The following SPIDR variants were observed in gnomAD, a reference collection of about 807,000 sequenced individuals.
The protein encoded by SPIDR is DNA repair-scaffolding protein.
Under a neutral mutation model 104.6 loss-of-function variants are expected in SPIDR, and 93 were observed. That is an observed-to-expected ratio of 0.89 (90% CI 0.75 to 1.06). SPIDR has a LOEUF of 1.06. SPIDR is among the 50% of genes least tolerant of loss of function. The pLI, the probability that SPIDR is intolerant of heterozygous loss-of-function variation, is 0.00. For missense variants in SPIDR, 1,154 were observed against 1,111.2 expected (o/e 1.04, Z -0.55); for synonymous variants, 431 against 416.9 (o/e 1.03, Z -0.41).
chr8:47,728,624 G>C (rs375473682), intron 17 of SPIDR: 1 of 258,000 alleles, frequency 3.9e-6, no homozygotes, highest in Admixed American at 5.2e-5. Flanking sequence ...TTTCTCTTCC[G>C]GGCCAGGGGG....
At chr8:47,565,389 A>G (rs955055960) in intron 8 of SPIDR, among the ~76,000 whole-genome samples, 3 of 152,230 alleles carry the variant, frequency 2.0e-5, no homozygotes, top group Non-Finnish European at 4.4e-5. Context: ...TCTAAAGTAT[A>G]TCTAAGGAAA....
chr8:47,376,991 C>T (rs781896998), intron 5 of SPIDR, among the ~76,000 whole-genome samples: 16 of 152,076 alleles, frequency 1.1e-4, no homozygotes, highest in Non-Finnish European at 2.4e-4. Context: ...ATTACAGTGG[C>T]AAGGTTGGGT....
At chr8:47,464,828 G>A (rs748294194) in intron 8 of SPIDR, among the ~76,000 whole-genome samples, 5 of 152,000 alleles carry the variant, frequency 3.3e-5, no homozygotes, top group Admixed American at 6.6e-5. Flanking sequence ...GAGTGTCTTG[G>A]CAAAGTTTTG....
intron 8 of SPIDR, among the ~76,000 whole-genome samples, chr8:47,462,597 A>T (rs935956113): frequency 1.5e-4 from 23 of 152,266 alleles, no homozygotes; most frequent in African/African-American, 5.5e-4. Context: ...AAATTTATGG[A>T]TGTAAGTACA....
intron 11 of SPIDR, among the ~76,000 whole-genome samples, chr8:47,697,307 G>A (rs1355760586): frequency 6.0e-5 from 9 of 150,668 alleles, no homozygotes; most frequent in African/African-American, 2.2e-4. Context: ...AAAGAAAAAA[G>A]ATAAAAACAA....
chr8:47,431,846 A>T (rs1554689562), intron 7 of SPIDR, among the ~76,000 whole-genome samples: 1 of 152,228 alleles, frequency 6.6e-6, no homozygotes, highest in African/African-American at 2.4e-5. Flanking sequence ...GTGTCTATTC[A>T]TCATTGCCAG....
chr8:47,591,556 G>C (rs1284055521), intron 8 of SPIDR, among the ~76,000 whole-genome samples: 1 of 151,744 alleles, frequency 6.6e-6, no homozygotes, highest in Admixed American at 6.6e-5. Flanking sequence ...TTTTTGAAGG[G>C]GGGAATCTAC....
chr8:47,559,968 A>G (rs1283852166), intron 8 of SPIDR, among the ~76,000 whole-genome samples: 1 of 152,206 alleles, frequency 6.6e-6, no homozygotes, highest in East Asian at 1.9e-4. Flanking sequence ...TGAAATTCTT[A>G]TTCCCTTTGG....
At chr8:47,438,428 C>G (rs985488486) in intron 7 of SPIDR, among the ~76,000 whole-genome samples, 13 of 152,222 alleles carry the variant, frequency 8.5e-5, no homozygotes, top group Non-Finnish European at 1.5e-4. Flanking sequence ...ACACACTGCT[C>G]TGGCTGCCCT....
intron 8 of SPIDR, among the ~76,000 whole-genome samples, chr8:47,465,849 G>T (rs1345788684): frequency 6.6e-6 from 1 of 151,994 alleles, no homozygotes; most frequent in Non-Finnish European, 1.5e-5. Context: ...CCAAGCAAAT[G>T]GAAAACAAAA....
intron 8 of SPIDR, chr8:47,548,061 T>A (rs897546362): frequency 3.9e-5 from 6 of 152,258 alleles, no homozygotes; most frequent in African/African-American, 9.6e-5. Context: ...TATTTTTTTT[T>A]AATTTCCTGA....
intron 8 of SPIDR, among the ~76,000 whole-genome samples, chr8:47,539,080 C>A (rs1204202490): frequency 1.3e-5 from 2 of 151,746 alleles, no homozygotes; most frequent in African/African-American, 4.8e-5. Context: ...AGGCTGGTCT[C>A]GAACTCCTGA....
chr8:47,719,503 C>T (rs2083078742), intron 16 of SPIDR, among the ~76,000 whole-genome samples: 1 of 151,254 alleles, frequency 6.6e-6, no homozygotes, highest in African/African-American at 2.4e-5. Flanking sequence ...AGCGAGACTC[C>T]GTATCAAAAA....
At chr8:47,613,832 A>T (rs886155055) in intron 10 of SPIDR, among the ~76,000 whole-genome samples, 1 of 152,072 alleles carries the variant, frequency 6.6e-6, no homozygotes, top group Admixed American at 6.6e-5. Context: ...TTGTATTTTT[A>T]TTGTTGAGTT....
At chr8:47,499,725 T>A (rs561508310) in intron 8 of SPIDR, among the ~76,000 whole-genome samples, 1 of 152,224 alleles carries the variant, frequency 6.6e-6, no homozygotes, top group African/African-American at 2.4e-5. Context: ...GCCATGTCGG[T>A]ATGCTACACC....
Position 47,328,706 on chromosome 8 carries a change from G to A in SPIDR, c.525+34676G>A, listed in dbSNP as rs142867251. Reference sequence around the variant, plus strand: ...AGTGGAATCTTCACTTTTTTATCCTGCATGACAGTCTCTACCTTTGGCTGG... The same window carrying A: ...AGTGGAATCTTCACTTTTTTATCCTACATGACAGTCTCTACCTTTGGCTGG... On this transcript the variant is annotated intron_variant, in intron 5 of 19. Transcript: ENST00000297423. Among the ~76,000 whole-genome samples, 6 of 152,016 alleles carry A rather than the reference G, an allele frequency of 3.9e-5. No individual in the cohort carries two copies. The East Asian group carries it at 1.2e-3, about 29-fold the overall frequency.
At chr8:47,343,010 AAT>A (rs2051097269) in intron 5 of SPIDR, among the ~76,000 whole-genome samples, 1 of 152,168 alleles carries the variant, frequency 6.6e-6, no homozygotes, top group African/African-American at 2.4e-5. Flanking sequence ...CTAGTAAATT[AAT>A]ATTGTGTTTA....
In SPIDR at chr8:47,469,083, A is replaced by G. The variant is rs545022636; in HGVS notation, c.1097+28541A>G. 7.2e-5 allele frequency among the ~76,000 whole-genome samples: 11 copies of G among 152,372 alleles called. No homozygotes were observed. The South Asian group carries it at 2.1e-3, about 29-fold the overall frequency. On this transcript the variant is annotated intron_variant, in intron 8 of 19. Transcript: ENST00000297423. ...AGACATTCATATGGCCAACAAGCAC[A>G]TGAAAAAAAGCTGAACATCACTTAT...
chr8:47,385,154 C>T (rs997933433), intron 5 of SPIDR, among the ~76,000 whole-genome samples: 2 of 152,096 alleles, frequency 1.3e-5, no homozygotes, highest in African/African-American at 4.8e-5. Flanking sequence ...ACCTCAGCTC[C>T]CAGAATTAAT....
Sources: allele counts gnomAD v4.1 joint callset (sites outside exome capture counted in the v4.1 genomes callset), GRCh38; gene constraint gnomAD v4.1.1; transcripts MANE v1.5; gene names NCBI Gene and HGNC (gene_info 2026-07-23, HGNC 2026-07-21).